VLDLR: variants seen among roughly 807,000 people sequenced by gnomAD.
VLDLR encodes very low density lipoprotein receptor.
A neutral mutation model predicts 112.7 loss-of-function variants in VLDLR; 81 were observed. That is an observed-to-expected ratio of 0.72 (90% CI 0.60 to 0.86). The LOEUF is 0.86. VLDLR is among the 40% of genes least tolerant of loss of function. The pLI is 0.00. For missense variants in VLDLR, 1,237 were observed against 1,099.4 expected (o/e 1.13, Z -1.77); for synonymous variants, 436 against 384.8 (o/e 1.13, Z -1.56).
chr9:2,646,415 G>C lies in VLDLR; in HGVS notation c.1566G>C (p.Trp522Cys). Residue 522 changes from tryptophan (W) to cysteine (C), a missense_variant, in exon 11 of 19, where the codon TGG becomes TGC. Coordinates refer to ENST00000382100, the MANE Select transcript of VLDLR (RefSeq NM_003383.5). ...VYNPAAIAVD[W>C]VYKTIYWTDA... ...ATCCTGCAGCCATTGCTGTTGATTGGGTGTACAAGACCATCTACTGGACTG... is the reference window on the plus strand; with the variant it reads ...ATCCTGCAGCCATTGCTGTTGATTGCGTGTACAAGACCATCTACTGGACTG... The C allele has an allele frequency of 6.2e-7, 1 of 1,614,106 alleles. No homozygotes were observed. Among genetic ancestry groups the C allele is most frequent in the Non-Finnish European group, 8.5e-7 (1 of 1,180,012 alleles).
chr9:2,641,738 T>C (rs1817835959), intron 4 of VLDLR, among the ~76,000 whole-genome samples: 1 of 152,212 alleles, frequency 6.6e-6, no homozygotes, highest in African/African-American at 2.4e-5. Context: ...AGGTAAGTCA[T>C]TCAAGGCACT....
chr9:2,651,324 TA>T, intron 15 of VLDLR, 90 bp from the exon 16 acceptor site: 1 of 1,143,672 alleles, frequency 8.7e-7, no homozygotes. Context: ...TACCTGGTTT[TA>T]AAATAACCTT....
rs1402766081 is a variant in VLDLR at position 2,646,373 on chromosome 9, G to C, written c.1524G>C (p.Met508Ile). 1.2e-6 allele frequency: 2 copies of C among 1,614,042 alleles called. No individual in the cohort carries two copies. The highest frequency in any genetic ancestry group is 1.7e-6 in the Non-Finnish European group (2 of 1,180,026). The change falls in exon 11 of 19, where the codon ATG becomes ATC. Residue 508 changes from methionine (M) to isoleucine (I), a missense_variant. By Grantham distance (10) the Met-to-Ile change is conservative (BLOSUM62 1). Transcript: ENST00000382100. Reference protein sequence around the residue: ...IDDKVGRHVKMIDNVYNPAAI... With the variant: ...IDDKVGRHVKIIDNVYNPAAI... ...ACAAGGTTGGTAGACATGTTAAAAT[G>C]ATCGACAATGTCTATAATCCTGCAG...
rs1253201144 is a variant in VLDLR at position 2,655,711 on chromosome 9, AT to A, written c.*1844del. ...AAAGATAGCCTTGGACTTTTTTTTC[AT>A]GGGAGGTTTGGAGGTCAAGCATGTA... On this transcript the variant is annotated 3_prime_UTR_variant, in exon 19 of 19. Coordinates refer to ENST00000382100, the MANE Select transcript of VLDLR (RefSeq NM_003383.5). 1 of 151,902 alleles carries A rather than the reference AT, an allele frequency of 6.6e-6. No homozygotes were observed. Among genetic ancestry groups the A allele is most frequent in the Non-Finnish European group, 1.5e-5 (1 of 67,968 alleles). The allele number at this position is 151,902 out of a possible 1,614,324, so 9.4% of individuals were successfully genotyped here. A position where few individuals can be genotyped will look rare whatever the true frequency, so the allele number is the denominator to read the frequency against.
chr9:2,648,595 T>G, intron 13 of VLDLR, 74 bp from the exon 14 acceptor site: 1 of 1,607,396 alleles, frequency 6.2e-7, no homozygotes, highest in East Asian at 2.2e-5. Flanking sequence ...AAATGAGAAG[T>G]AAATGATGAT....
chr9:2,646,632 T>C (rs1818089093), intron 11 of VLDLR, 80 bp downstream of exon 11: 2 of 1,307,126 alleles, frequency 1.5e-6, no homozygotes, highest in East Asian at 2.4e-5. Flanking sequence ...GAATTAGTAC[T>C]CAAATCTCAA....
chr9:2,645,463 G>T, intron 9 of VLDLR, 111 bp from the exon 10 acceptor site: 3 of 1,311,516 alleles, frequency 2.3e-6, no homozygotes, highest in Non-Finnish European at 3.3e-6. Flanking sequence ...TACTACTGAG[G>T]TATTCCACAA....
chr9:2,626,275 G>T (rs2130759545), intron 1 of VLDLR, among the ~76,000 whole-genome samples: 1 of 152,298 alleles, frequency 6.6e-6, no homozygotes, highest in African/African-American at 2.4e-5. Context: ...TATACACATA[G>T]CCTGAAGGTA....
intron 1 of VLDLR, among the ~76,000 whole-genome samples, chr9:2,634,255 C>G (rs553988835): frequency 3.3e-5 from 5 of 152,248 alleles, no homozygotes; most frequent in African/African-American, 1.2e-4. Flanking sequence ...GTATTGTGCA[C>G]GTAACACAAG....
intron 16 of VLDLR, among the ~76,000 whole-genome samples, 171 bp from the exon 17 acceptor site, chr9:2,651,703 A>T (rs1046277766): frequency 6.6e-6 from 1 of 152,252 alleles, no homozygotes; most frequent in Admixed American, 6.5e-5. Context: ...TGAAATGGCT[A>T]CTACAGCATG....
intron 4 of VLDLR, among the ~76,000 whole-genome samples, chr9:2,642,635 C>A (rs1163011648): frequency 1.3e-5 from 2 of 152,144 alleles, no homozygotes; most frequent in African/African-American, 4.8e-5. Context: ...GTGACTTTTT[C>A]AAAATGGAAA....
At chr9:2,629,444 T>A (rs1477323088) in intron 1 of VLDLR, among the ~76,000 whole-genome samples, 3 of 152,204 alleles carry the variant, frequency 2.0e-5, no homozygotes, top group Non-Finnish European at 4.4e-5. Flanking sequence ...TAACACAGTA[T>A]CTAGAGCCAG....
At chr9:2,648,071 A>C in intron 12 of VLDLR, 137 bp from the exon 13 acceptor site, 1 of 1,198,630 alleles carries the variant, frequency 8.3e-7, no homozygotes, top group East Asian at 2.5e-5. Flanking sequence ...GCTGCTTCGC[A>C]AGGTTTATGG....
chr9:2,653,027 G>C, intron 18 of VLDLR, 78 bp downstream of exon 18: 1 of 1,575,938 alleles, frequency 6.3e-7, no homozygotes, highest in Non-Finnish European at 8.7e-7. Context: ...GAGAGAGAGA[G>C]AGCCATTAGG....
rs1818723840 is a variant in VLDLR, at chr9:2,659,439, T to C, written c.*5571T>C. 1 of 152,226 alleles carries C rather than the reference T, an allele frequency of 6.6e-6. No homozygotes were observed. Among genetic ancestry groups the C allele is most frequent in the African/African-American group, 2.4e-5 (1 of 41,450 alleles). The allele number at this position is 152,226 out of a possible 1,614,324, so 9.4% of individuals were successfully genotyped here. The stretch of plus-strand genomic sequence containing the variant: ...CTACATCAGGTCAGCACAGATTAAC[T>C]CAGTTACGTGTTATACCTTCAAGAC... On this transcript the variant is annotated 3_prime_UTR_variant, in exon 19 of 19. Coordinates refer to ENST00000382100, the MANE Select transcript of VLDLR (RefSeq NM_003383.5).
chr9:2,647,711 G>A (rs1265371788), intron 12 of VLDLR, 119 bp downstream of exon 12: 4 of 919,916 alleles, frequency 4.3e-6, no homozygotes, highest in South Asian at 2.6e-5. Flanking sequence ...AATTCTAGCA[G>A]GAATTTTCAA....
Position 2,658,635 on chromosome 9 carries a change from A to C in VLDLR, c.*4767A>C, listed in dbSNP as rs772915370. 2.6e-5 allele frequency: 4 copies of C among 152,160 alleles called. No individual in the cohort carries two copies. The highest frequency in any genetic ancestry group is 5.9e-5 in the Non-Finnish European group (4 of 68,030). 9.4% of individuals were successfully genotyped at this position (152,160 alleles called of 1,614,324 possible). On this transcript the variant is annotated 3_prime_UTR_variant, in exon 19 of 19. Coordinates refer to ENST00000382100, the MANE Select transcript of VLDLR (RefSeq NM_003383.5). ...TAACTCCCTCTGTAAAGTAGAGACGATGGGGACTGTCTCACTGTGACAAGG... is the reference window on the plus strand; with the variant it reads ...TAACTCCCTCTGTAAAGTAGAGACGCTGGGGACTGTCTCACTGTGACAAGG...
rs1451294016 is a variant in VLDLR at position 2,622,099 on chromosome 9, C to T, written c.-91C>T. ...TCCCCCTTTCCCCTCCCCGCCCCCA[C>T]CTTCTTCCTCCTTTCGGAAGGACTG... is the stretch of plus-strand genomic sequence containing the variant. On this transcript the variant is annotated 5_prime_UTR_variant, in exon 1 of 19. Coordinates refer to ENST00000382100, the MANE Select transcript of VLDLR (RefSeq NM_003383.5). 3.8e-6 allele frequency: 5 copies of T among 1,311,686 alleles called. No individual in the cohort carries two copies. The highest frequency in any genetic ancestry group is 5.1e-6 in the Non-Finnish European group (5 of 986,254). 81.3% of individuals were successfully genotyped at this position (1,311,686 alleles called of 1,614,324 possible).
At chr9:2,634,629 G>C (rs1402176218) in intron 1 of VLDLR, among the ~76,000 whole-genome samples, 2 of 152,158 alleles carry the variant, frequency 1.3e-5, no homozygotes, top group African/African-American at 4.8e-5. Flanking sequence ...TAGAAAACCA[G>C]ATTCAGAGAA....
Sources: gnomAD v4.1 joint callset for allele counts (sites outside exome capture counted in the v4.1 genomes callset) on GRCh38, gnomAD v4.1.1 for gene constraint, MANE v1.5 for transcripts, NCBI Gene and HGNC (gene_info 2026-07-23, HGNC 2026-07-21) for gene names.